The following ATF6 variants were observed in gnomAD, a reference collection of about 807,000 sequenced individuals.
ATF6 encodes activating transcription factor 6.
Under a neutral mutation model 83.6 loss-of-function variants are expected in ATF6, and 53 were observed. That is an observed-to-expected ratio of 0.63 (90% CI 0.51 to 0.80). The LOEUF is 0.80. ATF6 is among the 30% of genes least tolerant of loss of function. The pLI is 0.00. For synonymous variants in ATF6, 288 were observed against 285.8 expected (o/e 1.01, Z -0.08); for missense variants, 744 against 797.9 (o/e 0.93, Z 0.81).
chr1:161,868,273 T>G (rs987769579), intron 14 of ATF6, among the ~76,000 whole-genome samples: 1 of 152,328 alleles, frequency 6.6e-6, no homozygotes, highest in East Asian at 1.9e-4. Context: ...TGGCTTATGA[T>G]CCACAGTTAT....
chr1:161,782,907 A>T (rs576022144), intron 3 of ATF6, among the ~76,000 whole-genome samples: 1 of 152,338 alleles, frequency 6.6e-6, no homozygotes, highest in Non-Finnish European at 1.5e-5. Context: ...CGGGTGCTCC[A>T]AGGATGGCTT....
At chr1:161,822,542 TA>T (rs35591432) in intron 9 of ATF6, among the ~76,000 whole-genome samples, 40,141 of 151,498 alleles carry the variant, frequency 0.26, 8,946 homozygotes, top group African/African-American at 0.61. Context: ...ATCTCTTTTT[TA>T]AAAAAAAACA....
intron 1 of ATF6, among the ~76,000 whole-genome samples, chr1:161,775,090 A>G (rs568386756): frequency 2.1e-4 from 32 of 152,330 alleles, no homozygotes; most frequent in African/African-American, 7.7e-4. Flanking sequence ...AAAGGCCCCA[A>G]TATGAATGAA....
At chr1:161,856,474 GA>G (rs967838604) in intron 12 of ATF6, among the ~76,000 whole-genome samples, 13 of 152,144 alleles carry the variant, frequency 8.5e-5, no homozygotes, top group African/African-American at 3.1e-4. Context: ...ATGGTCAGAG[GA>G]AAAATGGACC....
intron 14 of ATF6, among the ~76,000 whole-genome samples, chr1:161,911,783 T>A (rs1402268059): frequency 6.6e-6 from 1 of 152,206 alleles, no homozygotes; most frequent in Non-Finnish European, 1.5e-5. Flanking sequence ...AGAAAATTCC[T>A]GGGATAAGAA....
chr1:161,915,481 A>G (rs551071044), intron 15 of ATF6, among the ~76,000 whole-genome samples: 11 of 152,272 alleles, frequency 7.2e-5, no homozygotes, highest in African/African-American at 2.4e-4. Context: ...ATCATTGCCA[A>G]CTTCTAAGGT....
Position 161,960,983 on chromosome 1 carries a change from G to T in ATF6, c.*2329G>T, listed in dbSNP as rs1279739218. On this transcript the variant is annotated 3_prime_UTR_variant, in exon 16 of 16. Transcript: ENST00000367942. Reference sequence around the variant, plus strand: ...TGGTCAATGTAAACCTGGTTTGTGTGGGGTGATTATAAATAGAGTTTCCCT... The same window carrying T: ...TGGTCAATGTAAACCTGGTTTGTGTTGGGTGATTATAAATAGAGTTTCCCT... 1 of 152,164 alleles carries T rather than the reference G, an allele frequency of 6.6e-6. No homozygotes were observed. The highest frequency in any genetic ancestry group is 1.5e-5 in the Non-Finnish European group (1 of 68,052). The allele number at this position is 152,164 out of a possible 1,614,324, so 9.4% of individuals were successfully genotyped here.
intron 15 of ATF6, among the ~76,000 whole-genome samples, chr1:161,922,488 A>G (rs567677912): frequency 6.6e-6 from 1 of 152,194 alleles, no homozygotes; most frequent in East Asian, 1.9e-4. Flanking sequence ...GAAGAAAACA[A>G]AAAAAAATTA....
chr1:161,768,505 G>A (rs1684318669), intron 1 of ATF6, among the ~76,000 whole-genome samples: 1 of 152,184 alleles, frequency 6.6e-6, no homozygotes, highest in Non-Finnish European at 1.5e-5. Context: ...GTTTCGTTCT[G>A]TGACAGTTGC....
chr1:161,778,480 A>G (rs1214653215), intron 2 of ATF6, among the ~76,000 whole-genome samples, 160 bp downstream of exon 2: 2 of 152,282 alleles, frequency 1.3e-5, no homozygotes, highest in African/African-American at 2.4e-5. Context: ...CCATTTTGTA[A>G]TCAGTAAATG....
intron 6 of ATF6, among the ~76,000 whole-genome samples, chr1:161,798,100 C>T (rs539740647): frequency 1.9e-4 from 29 of 152,152 alleles, no homozygotes; most frequent in Non-Finnish European, 3.4e-4. Flanking sequence ...AGATAACTGG[C>T]TAGCCATATG....
At chr1:161,767,042 T>C (rs944864418) in intron 1 of ATF6, among the ~76,000 whole-genome samples, 3 of 152,144 alleles carry the variant, frequency 2.0e-5, no homozygotes, top group Non-Finnish European at 2.9e-5. Context: ...TTAATGGATA[T>C]TTTGTTTGGT....
intron 9 of ATF6, among the ~76,000 whole-genome samples, chr1:161,821,612 T>A (rs1437902887): frequency 2.0e-5 from 3 of 152,202 alleles, no homozygotes; most frequent in African/African-American, 7.2e-5. Flanking sequence ...TGAAATGGCA[T>A]GACATGTTCA....
rs1191594255 is a variant in ATF6, at chr1:161,959,497, CG to C, written c.*844del. On this transcript the variant is annotated 3_prime_UTR_variant, in exon 16 of 16. Transcript: ENST00000367942. ...CATCCCGGCTAAAACGGTGAAACCC[CG>C]TCTCTACTAAAAATACAAAAAATTA... The C allele has an allele frequency of 1.3e-5, 2 of 151,962 alleles. No homozygotes were observed. Among genetic ancestry groups the C allele is most frequent in the Admixed American group, 1.3e-4 (2 of 15,264 alleles). 9.4% of individuals were successfully genotyped at this position (151,962 alleles called of 1,614,324 possible).
At chr1:161,768,129 A>G (rs1470795444) in intron 1 of ATF6, among the ~76,000 whole-genome samples, 3 of 152,230 alleles carry the variant, frequency 2.0e-5, no homozygotes, top group Admixed American at 6.5e-5. Flanking sequence ...TGCTGGGATT[A>G]CGGGTGTGAG....
intron 14 of ATF6, among the ~76,000 whole-genome samples, chr1:161,898,008 T>G (rs1015347101): frequency 1.3e-5 from 2 of 152,212 alleles, no homozygotes; most frequent in South Asian, 4.1e-4. Flanking sequence ...AAACCTGCTC[T>G]TGTGGTATAT....
chr1:161,849,531 G>T (rs1264826359), intron 10 of ATF6, among the ~76,000 whole-genome samples: 2 of 152,200 alleles, frequency 1.3e-5, no homozygotes, highest in African/African-American at 2.4e-5. Flanking sequence ...GCATTTGGCT[G>T]TGTGGGTCAT....
At chr1:161,860,509 C>T (rs893055181) in intron 13 of ATF6, among the ~76,000 whole-genome samples, 3 of 151,548 alleles carry the variant, frequency 2.0e-5, no homozygotes, top group Non-Finnish European at 4.4e-5. Context: ...CCCTTAAATA[C>T]AAATTTAGTC....
At chr1:161,888,854 A>G (rs940784713) in intron 14 of ATF6, among the ~76,000 whole-genome samples, 2 of 152,162 alleles carry the variant, frequency 1.3e-5, no homozygotes, top group Non-Finnish European at 2.9e-5. Context: ...AACAGGGGCC[A>G]GCTTCCACGA....
Sources: gnomAD v4.1 joint callset for allele counts (sites outside exome capture counted in the v4.1 genomes callset) on GRCh38, gnomAD v4.1.1 for gene constraint, MANE v1.5 for transcripts, NCBI Gene and HGNC (gene_info 2026-07-23, HGNC 2026-07-21) for gene names.